The following SND1 variants were observed in gnomAD, a reference collection of about 807,000 sequenced individuals.
The protein encoded by SND1 is staphylococcal nuclease and tudor domain containing 1.
A neutral mutation model predicts 121.7 loss-of-function variants in SND1; 38 were observed. The ratio of observed to expected loss-of-function variants is 0.31; its 90% CI spans 0.24 to 0.41. SND1 has a LOEUF of 0.41. Ranked by LOEUF, SND1 falls within the 10% of genes least tolerant of loss-of-function variation. The pLI is 1.00. For missense variants in SND1, 868 were observed against 1,184.6 expected (o/e 0.73, Z 3.92); for synonymous variants, 401 against 447.4 (o/e 0.90, Z 1.31).
At chr7:127,794,609 G>C (rs1210782113) in intron 10 of SND1, among the ~76,000 whole-genome samples, 2 of 152,190 alleles carry the variant, frequency 1.3e-5, no homozygotes, top group African/African-American at 2.4e-5. Flanking sequence ...AGAGAAAATT[G>C]GTTTCCTGTT....
intron 9 of SND1, among the ~76,000 whole-genome samples, chr7:127,710,637 A>G (rs1351223706): frequency 6.6e-6 from 1 of 152,222 alleles, no homozygotes; most frequent in African/African-American, 2.4e-5. Flanking sequence ...TTATAGGCTT[A>G]CTAAAGAATG....
At chr7:127,696,887 A>G (rs1207703781) in intron 3 of SND1, among the ~76,000 whole-genome samples, 3 of 152,242 alleles carry the variant, frequency 2.0e-5, no homozygotes, top group African/African-American at 7.2e-5. Context: ...TACTTAAAGA[A>G]TGGTTGGAAT....
Position 128,085,773 on chromosome 7 carries a change from A to T in SND1, c.2297A>T (p.Tyr766Phe). 6.2e-7 allele frequency: 1 copy of T among 1,613,922 alleles called. No homozygotes were observed. The highest frequency in any genetic ancestry group is 1.1e-5 in the South Asian group (1 of 91,072). ...AAAATACATGTCTTCTACATTGACTACGGCAACGTGAGTGTTGGGGACCAG... is the reference window on the plus strand; with the variant it reads ...AAAATACATGTCTTCTACATTGACTTCGGCAACGTGAGTGTTGGGGACCAG... The part of the protein sequence containing the change: ...PAKIHVFYID[Y>F]GNREVLPSTR... Residue 766 changes from tyrosine to phenylalanine, a missense_variant, in exon 20 of 24, where the codon TAC (tyrosine) becomes TTC (phenylalanine). Tyr to Phe is a conservative substitution (Grantham distance 22, BLOSUM62 3). Around this residue, in one of 2 missense-constraint regions of SND1, gnomAD observed 743 missense variants for 1,071.3 expected, o/e 0.69. Transcript: ENST00000354725. This position sits in a 1 kb window ranked among gnomAD's most constrained non-coding sequence, Gnocchi z 4.4.
At chr7:127,855,957 C>T (rs2116671212) in intron 12 of SND1, among the ~76,000 whole-genome samples, 1 of 152,312 alleles carries the variant, frequency 6.6e-6, no homozygotes, top group East Asian at 1.9e-4. Context: ...GTTGAGGACT[C>T]TGTGGTACTA....
At chr7:127,774,645 C>G (rs1415831870) in intron 10 of SND1, among the ~76,000 whole-genome samples, 1 of 151,558 alleles carries the variant, frequency 6.6e-6, no homozygotes, top group East Asian at 1.9e-4. Flanking sequence ...GTGGCACAAG[C>G]TCAGCTCACT....
chr7:127,803,802 T>C (rs1798178939), intron 10 of SND1, among the ~76,000 whole-genome samples: 1 of 152,194 alleles, frequency 6.6e-6, no homozygotes, highest in Non-Finnish European at 1.5e-5. Flanking sequence ...ATGCTAGCTG[T>C]ATCTTCAGAT....
At chr7:127,760,359 A>C (rs1368450131) in intron 10 of SND1, among the ~76,000 whole-genome samples, 1 of 152,222 alleles carries the variant, frequency 6.6e-6, no homozygotes, top group Non-Finnish European at 1.5e-5. Context: ...GTTTGAATGC[A>C]TAAAGTGGGC....
chr7:128,070,142 T>C (rs1793383753), intron 16 of SND1, among the ~76,000 whole-genome samples: 1 of 152,216 alleles, frequency 6.6e-6, no homozygotes, highest in Non-Finnish European at 1.5e-5. Flanking sequence ...GCCTCTAGGC[T>C]GTTCGCTTCT....
chr7:127,684,452 C>G (rs769357516), intron 1 of SND1, among the ~76,000 whole-genome samples: 2 of 152,174 alleles, frequency 1.3e-5, no homozygotes, highest in Non-Finnish European at 2.9e-5. Context: ...GCACTATGCT[C>G]TTCTTGCTGT....
At chr7:127,990,474 C>T (rs1050005857) in intron 15 of SND1, among the ~76,000 whole-genome samples, 15 of 152,146 alleles carry the variant, frequency 9.9e-5, no homozygotes, top group African/African-American at 3.6e-4. Context: ...TGAATTAACA[C>T]TTTTGAATTT....
chr7:127,709,920 A>G (rs1431375999), intron 9 of SND1, among the ~76,000 whole-genome samples: 1 of 152,192 alleles, frequency 6.6e-6, no homozygotes, highest in Non-Finnish European at 1.5e-5. Context: ...AAAACAGGAA[A>G]AAAACATAAA....
intron 10 of SND1, among the ~76,000 whole-genome samples, chr7:127,803,667 G>A (rs1467230474): frequency 6.6e-6 from 1 of 152,078 alleles, no homozygotes; most frequent in Non-Finnish European, 1.5e-5. Flanking sequence ...AATGGGCTAG[G>A]TAAAATTAGG....
intron 22 of SND1, among the ~76,000 whole-genome samples, chr7:128,091,554 G>T (rs540223718): frequency 1.3e-5 from 2 of 152,168 alleles, no homozygotes; most frequent in Non-Finnish European, 2.9e-5. Context: ...TCATTAAGAG[G>T]GAGATACTTT....
chr7:128,026,663 G>A (rs1440762965), intron 16 of SND1, among the ~76,000 whole-genome samples: 3 of 152,176 alleles, frequency 2.0e-5, no homozygotes, highest in Non-Finnish European at 4.4e-5. Context: ...CATTATTGCA[G>A]GCCTCTGAAA....
At chr7:127,865,752 A>C (rs75026282) in intron 12 of SND1, among the ~76,000 whole-genome samples, 2 of 151,502 alleles carry the variant, frequency 1.3e-5, no homozygotes, top group African/African-American at 4.9e-5. Context: ...GACTACAGGC[A>C]TGCCATCATG....
intron 18 of SND1, among the ~76,000 whole-genome samples, chr7:128,082,536 G>T (rs1793622475): frequency 6.6e-6 from 1 of 152,202 alleles, no homozygotes; most frequent in Non-Finnish European, 1.5e-5. Context: ...CTTGAAAAAG[G>T]AAAAACGCAA....
At chr7:127,919,861 T>C (rs923161522) in intron 14 of SND1, among the ~76,000 whole-genome samples, 2 of 152,180 alleles carry the variant, frequency 1.3e-5, no homozygotes, top group Non-Finnish European at 2.9e-5. Flanking sequence ...TTGATATAAA[T>C]TGGATGTTTA....
At chr7:128,079,058 C>T (rs936521186) in intron 17 of SND1, among the ~76,000 whole-genome samples, 4 of 152,366 alleles carry the variant, frequency 2.6e-5, no homozygotes, top group Admixed American at 6.5e-5. Context: ...CTGACAGTCT[C>T]GTCTCTGAGG....
chr7:127,807,445 A>T lies in SND1; in HGVS notation c.1153-39A>T, dbSNP rs325440. On this transcript the variant is annotated intron_variant, in intron 10 of 23. Transcript: ENST00000354725. The stretch of plus-strand genomic sequence containing the variant: ...GTGCTGTTGTACATGTTCATTTGAT[A>T]TTGTTCATTCCTGATGTCATGTTTT... 946,039 of 1,505,116 alleles carry T rather than the reference A, an allele frequency of 0.63. 303,179 individuals are homozygous for T. The highest frequency in any genetic ancestry group is 0.92 in the East Asian group (40,700 of 44,336). 93.2% of individuals were successfully genotyped at this position (1,505,116 alleles called of 1,614,324 possible).
Sources: allele counts gnomAD v4.1 joint callset (sites outside exome capture counted in the v4.1 genomes callset), GRCh38; gene constraint gnomAD v4.1.1; regional missense constraint gnomAD v4.1.1; non-coding constraint Gnocchi (gnomAD v3.1); transcripts MANE v1.5; gene names NCBI Gene and HGNC (gene_info 2026-07-23, HGNC 2026-07-21).